Variants in KLHL4 observed in about 807,000 individuals in gnomAD.
KLHL4 encodes the protein kelch like family member 4, also known as kelch-like protein 4.
In KLHL4, 17 loss-of-function variants were observed where a neutral mutation model predicts 45.8. That is an observed-to-expected ratio of 0.37 (90% CI 0.25 to 0.56). The LOEUF is 0.56. Among genes scored for constraint, KLHL4 ranks in the 20% least tolerant of loss-of-function variants. The pLI is 0.79. For synonymous variants in KLHL4, 224 were observed against 189.9 expected (o/e 1.18, Z -1.47); for missense variants, 544 against 544.9 (o/e 1.00, Z 0.02).
chrX:87,528,588 G>T (rs1019713125), intron 1 of KLHL4, among the ~76,000 whole-genome samples: 1 of 107,791 alleles, frequency 9.3e-6, no homozygotes, highest in Non-Finnish European at 1.9e-5. Flanking sequence ...GGTGGCACGT[G>T]CCTGTAGTTC....
At chrX:87,603,844 T>C (rs964411319) in intron 1 of KLHL4, among the ~76,000 whole-genome samples, 2 of 110,185 alleles carry the variant, frequency 1.8e-5, no homozygotes, top group Non-Finnish European at 3.8e-5. Flanking sequence ...TCCAATCTAA[T>C]TGTCACATTG....
intron 1 of KLHL4, among the ~76,000 whole-genome samples, chrX:87,525,404 A>C (rs747651071): frequency 1.3e-3 from 145 of 111,649 alleles, no homozygotes; most frequent in African/African-American, 4.3e-3. Context: ...TTATTATATA[A>C]AAATTTTTAT....
chrX:87,575,370 C>T (rs950354422), intron 1 of KLHL4, among the ~76,000 whole-genome samples: 4 of 111,494 alleles, frequency 3.6e-5, no homozygotes, highest in Admixed American at 9.6e-5. Context: ...CCAATTAATG[C>T]CTGATGATCT....
chrX:87,646,019 G>A (rs948171599), intron 9 of KLHL4, among the ~76,000 whole-genome samples: 7 of 110,650 alleles, frequency 6.3e-5, no homozygotes, highest in Non-Finnish European at 9.5e-5. Flanking sequence ...CTCATGTAAC[G>A]AAATACCACT....
chrX:87,667,925 T>C lies in KLHL4; in HGVS notation c.*1391T>C. ...CAAACTGAATTTAAATAAACTTTAT[T>C]TCCTCTCACTATAGTGTGGCTTTAG... is the stretch of plus-strand genomic sequence containing the variant. On this transcript the variant is annotated 3_prime_UTR_variant, in exon 11 of 11. Transcript: ENST00000373119. The C allele has an allele frequency of 7.3e-6, 5 of 686,002 alleles. No homozygotes were observed. The highest frequency in any genetic ancestry group is 8.7e-6 in the Non-Finnish European group (5 of 576,921). 56.5% of individuals were successfully genotyped at this position (686,002 alleles called of 1,213,427 possible).
chrX:87,637,009 A>T (rs1391072520), intron 9 of KLHL4, among the ~76,000 whole-genome samples: 1 of 111,681 alleles, frequency 9.0e-6, no homozygotes, highest in Non-Finnish European at 1.9e-5. Context: ...GGGCTCTTGA[A>T]TGTGCCACCT....
chrX:87,646,295 G>A (rs1923630244), intron 9 of KLHL4, among the ~76,000 whole-genome samples: 2 of 111,598 alleles, frequency 1.8e-5, no homozygotes, highest in Admixed American at 1.9e-4. Flanking sequence ...GGTAGAATCA[G>A]TATTGTGATC....
chrX:87,669,512 G>T lies in KLHL4; in HGVS notation c.*2978G>T. 1 of 870,961 alleles carries T rather than the reference G, an allele frequency of 1.1e-6. No homozygotes were observed. The highest frequency in any genetic ancestry group is 1.5e-6 in the Non-Finnish European group (1 of 661,561). The allele number at this position is 870,961 out of a possible 1,213,427, so 71.8% of individuals were successfully genotyped here. ...ACAGTTTCCTTCTGGAGTTCCAAAT[G>T]CAATATAGAAAAAAAAACCCTGTGA... On this transcript the variant is annotated 3_prime_UTR_variant, in exon 11 of 11. Coordinates refer to ENST00000373119, the MANE Select transcript of KLHL4 (RefSeq NM_019117.5).
chrX:87,571,012 G>A (rs779794629), intron 1 of KLHL4, among the ~76,000 whole-genome samples: 56 of 110,629 alleles, frequency 5.1e-4, no homozygotes, highest in Admixed American at 1.1e-3. Flanking sequence ...TTTCAGTAAC[G>A]TAATTCTTAG....
rs965349931 is a variant in KLHL4, at chrX:87,618,116, C to T, written c.912C>T (p.His304=). The change falls in exon 4 of 11, where the codon CAC becomes CAT. Residue 304 remains histidine, a synonymous_variant. Coordinates refer to ENST00000373119, the MANE Select transcript of KLHL4 (RefSeq NM_019117.5). The stretch of plus-strand genomic sequence containing the variant: ...GTACAGAACTTCTGAACGTGGCACA[C>T]AAATACACTATGGTAAAATCAATTG... The part of the protein sequence containing the change: ...QGCTELLNVA[H]KYTMEHFIEV... The T allele has an allele frequency of 2.5e-6, 3 of 1,184,182 alleles. No individual in the cohort carries two copies. Among genetic ancestry groups the T allele is most frequent in the Non-Finnish European group, 3.4e-6 (3 of 880,162 alleles).
chrX:87,639,915 A>G (rs147245079), intron 9 of KLHL4, among the ~76,000 whole-genome samples: 2,961 of 111,304 alleles, frequency 0.027, 104 homozygotes, highest in African/African-American at 0.092. Flanking sequence ...TGGTTCTTTG[A>G]AAAAAATAAA....
intron 6 of KLHL4, among the ~76,000 whole-genome samples, chrX:87,626,262 G>A (rs929739644): frequency 2.7e-5 from 3 of 111,276 alleles, no homozygotes; most frequent in Admixed American, 1.9e-4. Context: ...GTCCGGAAAC[G>A]CGAGACAACT....
intron 5 of KLHL4, among the ~76,000 whole-genome samples, chrX:87,622,631 A>T (rs750782376): frequency 1.3e-4 from 14 of 111,423 alleles, no homozygotes; most frequent in Non-Finnish European, 2.4e-4. Flanking sequence ...AGCTACCGTT[A>T]AACCATAAAC....
chrX:87,650,748 A>T lies in KLHL4; in HGVS notation c.1926-14016A>T, dbSNP rs1342581561. 2.7e-5 allele frequency among the ~76,000 whole-genome samples: 3 copies of T among 111,597 alleles called. No individual in the cohort carries two copies. In the Admixed American group the frequency reaches 2.9e-4, roughly 11 times the overall value. On this transcript the variant is annotated intron_variant, in intron 9 of 10. Coordinates refer to ENST00000373119, the MANE Select transcript of KLHL4 (RefSeq NM_019117.5). ...CAATCCATTGTATTAGTCTATATTC[A>T]TGCTGCTGATAAAGACATACCTGAG...
At chrX:87,657,979 A>G (rs1198113249) in intron 9 of KLHL4, among the ~76,000 whole-genome samples, 1 of 112,157 alleles carries the variant, frequency 8.9e-6, no homozygotes, top group Non-Finnish European at 1.9e-5. Flanking sequence ...GGAAATGAGG[A>G]GTGGCTTGGA....
Position 87,669,251 on chromosome X carries a change from G to C in KLHL4, c.*2717G>C. 1 of 1,175,160 alleles carries C rather than the reference G, an allele frequency of 8.5e-7. No individual in the cohort carries two copies. The highest frequency in any genetic ancestry group is 2.0e-5 in the South Asian group (1 of 51,258). On this transcript the variant is annotated 3_prime_UTR_variant, in exon 11 of 11. Transcript: ENST00000373119. The stretch of plus-strand genomic sequence containing the variant: ...CTATAATCACTATGACCGTGTTCAC[G>C]ATTCCCTACTCTGCAACTCTCAGCA...
At chrX:87,632,530 C>T in intron 7 of KLHL4, 96 bp downstream of exon 7, 2 of 527,219 alleles carry the variant, frequency 3.8e-6, no homozygotes, top group Non-Finnish European at 5.9e-6. Flanking sequence ...TTAGCCAAAT[C>T]CTTAGTGAAA....
At chrX:87,569,772 G>A (rs749025676) in intron 1 of KLHL4, among the ~76,000 whole-genome samples, 102 of 111,383 alleles carry the variant, frequency 9.2e-4, no homozygotes, top group African/African-American at 3.2e-3. Context: ...TGGAATAGAC[G>A]AACGTAAAGA....
chrX:87,645,832 TA>T (rs1292898376), intron 9 of KLHL4, among the ~76,000 whole-genome samples: 1 of 111,260 alleles, frequency 9.0e-6, no homozygotes, highest in Non-Finnish European at 1.9e-5. Flanking sequence ...TTCTCGCTGA[TA>T]TGTGGGAGCT....
Sources: gnomAD v4.1 joint callset for allele counts (sites outside exome capture counted in the v4.1 genomes callset) on GRCh38, gnomAD v4.1.1 for gene constraint, MANE v1.5 for transcripts, NCBI Gene and HGNC (gene_info 2026-07-23, HGNC 2026-07-21) for gene names.